UNC5D: variants seen among roughly 807,000 people sequenced by gnomAD.
UNC5D encodes the protein netrin receptor UNC5D.
Under a neutral mutation model 105.4 loss-of-function variants are expected in UNC5D, and 39 were observed. That is an observed-to-expected ratio of 0.37 (90% CI 0.29 to 0.48). The LOEUF (loss-of-function observed/expected upper bound fraction) is 0.48, where lower values mean the gene tolerates loss of function less well. UNC5D is among the 20% of genes least tolerant of loss of function. The pLI is 0.98. For missense variants in UNC5D, 991 were observed against 1,202.4 expected (o/e 0.82, Z 2.60); for synonymous variants, 452 against 450.4 (o/e 1.00, Z -0.04).
chr8:35,395,762 C>A (rs556847241), intron 1 of UNC5D, among the ~76,000 whole-genome samples: 4 of 152,194 alleles, frequency 2.6e-5, no homozygotes, highest in African/African-American at 9.7e-5. Context: ...TCTGCAGGCA[C>A]TTCCTCAGCC....
At chr8:35,495,495 A>G (rs1166990907) in intron 1 of UNC5D, among the ~76,000 whole-genome samples, 3 of 150,304 alleles carry the variant, frequency 2.0e-5, no homozygotes, top group Non-Finnish European at 4.4e-5. Flanking sequence ...AAAAAATCTC[A>G]TAATGTGTTA....
chr8:35,529,490 C>A (rs1390242961), intron 1 of UNC5D, among the ~76,000 whole-genome samples: 1 of 144,848 alleles, frequency 6.9e-6, no homozygotes, highest in Admixed American at 7.0e-5. Flanking sequence ...TGTGATGCCT[C>A]CAGCTTTGTT....
At chr8:35,258,996 C>T (rs1018981593) in intron 1 of UNC5D, among the ~76,000 whole-genome samples, 1 of 152,144 alleles carries the variant, frequency 6.6e-6, no homozygotes, top group Non-Finnish European at 1.5e-5. Flanking sequence ...AAGTACTCTT[C>T]CCCCTGGCTG....
chr8:35,383,448 T>G (rs1803166047), intron 1 of UNC5D, among the ~76,000 whole-genome samples: 2 of 152,240 alleles, frequency 1.3e-5, no homozygotes, highest in Non-Finnish European at 2.9e-5. Flanking sequence ...ATTAGATAAT[T>G]GTATACCCAT....
chr8:35,282,697 A>G (rs970112819), intron 1 of UNC5D, among the ~76,000 whole-genome samples: 2 of 112,100 alleles, frequency 1.8e-5, no homozygotes, highest in Non-Finnish European at 3.7e-5. Context: ...TTAACTAACA[A>G]GTTATTAAAA....
At chr8:35,740,109 A>G (rs1010516438) in intron 11 of UNC5D, among the ~76,000 whole-genome samples, 3 of 152,234 alleles carry the variant, frequency 2.0e-5, no homozygotes, top group Non-Finnish European at 4.4e-5. Flanking sequence ...ATAGTGGATC[A>G]GGAGACAGCC....
chr8:35,753,182 G>A lies in UNC5D; in HGVS notation c.2163+2373G>A, dbSNP rs560104512. Reference sequence around the variant, plus strand: ...TTCAAACCATTACCCATTTCTGGTTGGTAATAGAATCTTTTTAGACAGTGC... The same window carrying A: ...TTCAAACCATTACCCATTTCTGGTTAGTAATAGAATCTTTTTAGACAGTGC... On this transcript the variant is annotated intron_variant, in intron 13 of 16. Transcript: ENST00000404895. Among the ~76,000 whole-genome samples the A allele has an allele frequency of 1.6e-3, 247 of 152,252 alleles. 3 individuals carry two copies. The highest frequency in any genetic ancestry group is 7.1e-3 in the South Asian group (34 of 4,822).
At chr8:35,355,889 TC>T (rs1224797359) in intron 1 of UNC5D, among the ~76,000 whole-genome samples, 3 of 152,070 alleles carry the variant, frequency 2.0e-5, no homozygotes, top group Non-Finnish European at 2.9e-5. Flanking sequence ...CAAGGTGTTG[TC>T]TTGAAAGCAG....
chr8:35,721,038 A>T (rs1035194208), intron 8 of UNC5D, among the ~76,000 whole-genome samples: 3 of 152,186 alleles, frequency 2.0e-5, no homozygotes, highest in African/African-American at 7.2e-5. Context: ...CATAAGTACC[A>T]TATTAGGGTG....
At chr8:35,538,383 A>G (rs886786850) in intron 1 of UNC5D, among the ~76,000 whole-genome samples, 1 of 125,348 alleles carries the variant, frequency 8.0e-6, no homozygotes, top group Non-Finnish European at 1.6e-5. Flanking sequence ...GTCGTGATTT[A>G]AAAAAAAATA....
At chr8:35,539,906 C>G (rs1327217984) in intron 1 of UNC5D, among the ~76,000 whole-genome samples, 1 of 152,128 alleles carries the variant, frequency 6.6e-6, no homozygotes. Flanking sequence ...AAAATACTTG[C>G]TGTATTAGTG....
At chr8:35,737,917 A>C (rs896190053) in intron 11 of UNC5D, among the ~76,000 whole-genome samples, 1 of 152,070 alleles carries the variant, frequency 6.6e-6, no homozygotes, top group African/African-American at 2.4e-5. Flanking sequence ...GACCAGCCTG[A>C]CCAACATGGA....
chr8:35,767,527 G>A (rs1408935142), intron 15 of UNC5D, among the ~76,000 whole-genome samples: 2 of 152,122 alleles, frequency 1.3e-5, no homozygotes, highest in East Asian at 3.9e-4. Flanking sequence ...TATCTCCAGG[G>A]ATGGGACTCC....
At chr8:35,422,778 C>T (rs1462936836) in intron 1 of UNC5D, among the ~76,000 whole-genome samples, 2 of 152,134 alleles carry the variant, frequency 1.3e-5, no homozygotes, top group African/African-American at 4.8e-5. Context: ...TACACAACAA[C>T]CATGTGAGGT....
At position 35,794,533 on chromosome 8, in the gene UNC5D, T is replaced by A. The variant is rs924645648; in HGVS notation, c.*3970T>A. ...CCATAGTGCTGTATTTGAAAATCGATGCTTTAGCCAAAAGCTGAATGACCA... is the reference window on the plus strand; with the variant it reads ...CCATAGTGCTGTATTTGAAAATCGAAGCTTTAGCCAAAAGCTGAATGACCA... On this transcript the variant is annotated 3_prime_UTR_variant, in exon 17 of 17. Coordinates refer to ENST00000404895, the MANE Select transcript of UNC5D (RefSeq NM_080872.4). The A allele has an allele frequency of 1.3e-5, 2 of 152,664 alleles. No homozygotes were observed. The highest frequency in any genetic ancestry group is 1.3e-4 in the Admixed American group (2 of 15,268). 9.5% of individuals were successfully genotyped at this position (152,664 alleles called of 1,614,324 possible).
At chr8:35,274,765 G>T (rs1336436118) in intron 1 of UNC5D, among the ~76,000 whole-genome samples, 2 of 152,088 alleles carry the variant, frequency 1.3e-5, no homozygotes, top group Non-Finnish European at 2.9e-5. Flanking sequence ...CACAACCCAA[G>T]AACATTTTTG....
intron 7 of UNC5D, among the ~76,000 whole-genome samples, chr8:35,693,692 C>T (rs1428725855): frequency 4.6e-5 from 7 of 152,074 alleles, no homozygotes; most frequent in African/African-American, 7.2e-5. Flanking sequence ...CTCTCTTTAA[C>T]GATATCTCCT....
chr8:35,316,440 A>G (rs566776076), intron 1 of UNC5D, among the ~76,000 whole-genome samples: 1 of 152,290 alleles, frequency 6.6e-6, no homozygotes, highest in African/African-American at 2.4e-5. Context: ...TTCTGTCTCT[A>G]TGAGCTAAAT....
intron 16 of UNC5D, among the ~76,000 whole-genome samples, chr8:35,787,690 T>G (rs905080801): frequency 2.0e-5 from 3 of 152,154 alleles, no homozygotes; most frequent in Admixed American, 2.0e-4. Context: ...CAATCATAGC[T>G]CTCTGCAGCT....
Sources: allele counts gnomAD v4.1 joint callset (sites outside exome capture counted in the v4.1 genomes callset), GRCh38; gene constraint gnomAD v4.1.1; transcripts MANE v1.5; gene names NCBI Gene and HGNC (gene_info 2026-07-23, HGNC 2026-07-21).